NPHP4: variants seen among roughly 807,000 people sequenced by gnomAD.
The protein encoded by NPHP4 is nephrocystin 4, also known as nephrocystin-4.
A neutral mutation model predicts 155.8 loss-of-function variants in NPHP4; 151 were observed. The observed-to-expected ratio is 0.97, with a 90% CI of 0.85 to 1.11. NPHP4 has a LOEUF of 1.11. NPHP4 is among the 50% of genes least tolerant of loss of function. NPHP4 has a pLI of 0.00. For missense variants in NPHP4, 1,956 were observed against 1,925.7 expected (o/e 1.02, Z -0.29); for synonymous variants, 845 against 816.8 (o/e 1.03, Z -0.59).
intron 11 of NPHP4, among the ~76,000 whole-genome samples, chr1:5,912,549 A>AAAAAAAAG (rs1645242539): frequency 9.9e-6 from 1 of 101,124 alleles, no homozygotes; most frequent in African/African-American, 5.2e-5. Context: ...AAAAAAAAAA[A>AAAAAAAAG]AAAAAAGAAA....
intron 5 of NPHP4, among the ~76,000 whole-genome samples, chr1:5,966,768 C>T (rs1475348455): frequency 2.0e-5 from 3 of 152,178 alleles, no homozygotes; most frequent in East Asian, 1.9e-4. Flanking sequence ...TCCCACCACA[C>T]GCCCTTCCTG....
intron 2 of NPHP4, among the ~76,000 whole-genome samples, chr1:5,981,526 A>G (rs1343033737): frequency 5.9e-5 from 9 of 152,234 alleles, no homozygotes; most frequent in African/African-American, 1.7e-4. Context: ...AATCATTAAT[A>G]AAGTGCCCTG....
intron 1 of NPHP4, among the ~76,000 whole-genome samples, chr1:5,991,852 T>C (rs1173082498): frequency 6.8e-6 from 1 of 146,868 alleles, no homozygotes; most frequent in East Asian, 2.1e-4. Context: ...GCGCGCGGAC[T>C]AGGGCGCGGG....
Position 5,880,110 on chromosome 1 carries a change from T to C in NPHP4, c.2611+4A>G. The C allele has an allele frequency of 6.2e-7, 1 of 1,613,462 alleles. No homozygotes were observed. The highest frequency in any genetic ancestry group is 8.5e-7 in the Non-Finnish European group (1 of 1,179,730). On this transcript the variant is annotated splice_donor_region_variant and intron_variant, in intron 19 of 29. Coordinates refer to ENST00000378156, the MANE Select transcript of NPHP4 (RefSeq NM_015102.5). ...CACACATGGGCCCAACAGTGTAAAC[T>C]CACGCCTTGAGCTTCCAGTCGTGAG...
intron 7 of NPHP4, among the ~76,000 whole-genome samples, chr1:5,952,290 G>C (rs1340061673): frequency 6.6e-6 from 1 of 152,192 alleles, no homozygotes; most frequent in Admixed American, 6.5e-5. Context: ...GGGTTCTATG[G>C]GTTTCCCTAT....
intron 23 of NPHP4, 81 bp downstream of exon 23, chr1:5,873,171 G>C (rs1424122676): frequency 4.8e-6 from 6 of 1,251,236 alleles, no homozygotes; most frequent in African/African-American, 1.5e-5. Context: ...CCCTCCAGGA[G>C]GGGAGAGAAG....
chr1:5,866,317 C>T (rs1641215995), intron 26 of NPHP4, 56 bp downstream of exon 26: 2 of 1,172,316 alleles, frequency 1.7e-6, no homozygotes, highest in Non-Finnish European at 2.5e-6. Context: ...AGCCCCAGGC[C>T]TGCCTCCTCC....
chr1:5,943,520 G>C (rs1393293547), intron 9 of NPHP4, among the ~76,000 whole-genome samples: 1 of 152,136 alleles, frequency 6.6e-6, no homozygotes, highest in African/African-American at 2.4e-5. Flanking sequence ...CCAAAAGCCT[G>C]GTGCATTTTG....
chr1:5,963,356 C>T (rs935504183), intron 5 of NPHP4, among the ~76,000 whole-genome samples: 4 of 151,862 alleles, frequency 2.6e-5, no homozygotes, highest in Non-Finnish European at 5.9e-5. Context: ...GATTGCACCA[C>T]TGCAATCCAG....
In NPHP4 at chr1:5,905,170, C is replaced by T; in HGVS notation, c.1955+122G>A. Reference sequence around the variant, plus strand: ...GCCAAGAGAAGATAAAAACAGATGGCACTCCCGAATCTACTAAGACCTCAG... The same window carrying T: ...GCCAAGAGAAGATAAAAACAGATGGTACTCCCGAATCTACTAAGACCTCAG... On this transcript the variant is annotated intron_variant, in intron 15 of 29. Coordinates refer to ENST00000378156, the MANE Select transcript of NPHP4 (RefSeq NM_015102.5). This position sits in a 1 kb window ranked among gnomAD's most constrained non-coding sequence, Gnocchi z 4.0. 1.3e-6 allele frequency: 1 copy of T among 789,230 alleles called. No individual in the cohort carries two copies. Among genetic ancestry groups the T allele is most frequent in the South Asian group, 1.6e-5 (1 of 62,206 alleles). The allele number at this position is 789,230 out of a possible 1,614,324, so 48.9% of individuals were successfully genotyped here. A position where few individuals can be genotyped will look rare whatever the true frequency, so the allele number is the denominator to read the frequency against.
At chr1:5,904,523 C>T in intron 16 of NPHP4, 94 bp downstream of exon 16, 1 of 998,318 alleles carries the variant, frequency 1.0e-6, no homozygotes, top group African/African-American at 1.6e-5. Context: ...ATGTTTTAAA[C>T]TTTTCATAGT....
intron 2 of NPHP4, among the ~76,000 whole-genome samples, chr1:5,981,950 T>C (rs1654775643): frequency 6.6e-6 from 1 of 152,240 alleles, no homozygotes; most frequent in African/African-American, 2.4e-5. Context: ...AAAAATGAGC[T>C]GGGAAGTGTT....
chr1:5,988,360 A>G (rs955574960), intron 1 of NPHP4, among the ~76,000 whole-genome samples: 2 of 152,264 alleles, frequency 1.3e-5, no homozygotes, highest in Non-Finnish European at 2.9e-5. Context: ...GTACAGAAGC[A>G]AACAGGAGCC....
At chr1:5,915,589 C>T (rs1010218659) in intron 11 of NPHP4, among the ~76,000 whole-genome samples, 2 of 152,088 alleles carry the variant, frequency 1.3e-5, no homozygotes, top group Non-Finnish European at 2.9e-5. Context: ...CTGCAGGAGT[C>T]CAGATCCCAG....
intron 3 of NPHP4, among the ~76,000 whole-genome samples, chr1:5,974,266 G>A (rs1164835360): frequency 6.6e-6 from 1 of 152,218 alleles, no homozygotes; most frequent in South Asian, 2.1e-4. Context: ...CTGCTTTGGC[G>A]ACACTGGGGC....
Position 5,969,126 on chromosome 1 carries a change from T to A in NPHP4, c.413A>T (p.Asn138Ile). 1 of 1,551,382 alleles carries A rather than the reference T, an allele frequency of 6.4e-7. No homozygotes were observed. The highest frequency in any genetic ancestry group is 1.7e-4 in the Middle Eastern group (1 of 5,984). ...CGFGILRIFSNQPDSPISASQ... is the reference protein window; with the variant it reads ...CGFGILRIFSIQPDSPISASQ... ...AGCAGAGATAGGAGAGTCCGGCTGG[T>A]TGCTGAAGATCCGAAGAATTCCAAA... is the stretch of plus-strand genomic sequence containing the variant. The change falls in exon 4 of 30, where the codon AAC (asparagine) becomes ATC (isoleucine). Residue 138 changes from asparagine (N) to isoleucine (I), a missense_variant. Coordinates refer to ENST00000378156, the MANE Select transcript of NPHP4 (RefSeq NM_015102.5).
At chr1:5,912,060 C>T (rs1040305192) in intron 11 of NPHP4, among the ~76,000 whole-genome samples, 6 of 152,186 alleles carry the variant, frequency 3.9e-5, no homozygotes, top group Admixed American at 1.3e-4. Flanking sequence ...AGCAGACAGA[C>T]GAGCACAAGG....
At position 5,978,526 on chromosome 1, in the gene NPHP4, G is replaced by A. The variant is rs1654109282; in HGVS notation, c.136-113C>T. ...CACCTCGCTCAGATATCAGCACGCTGGTTTCCTTATTGGGAGGCTACCTCT... is the reference window on the plus strand; with the variant it reads ...CACCTCGCTCAGATATCAGCACGCTAGTTTCCTTATTGGGAGGCTACCTCT... On this transcript the variant is annotated intron_variant, in intron 2 of 29. Transcript: ENST00000378156. 13 of 948,192 alleles carry A rather than the reference G, an allele frequency of 1.4e-5. No individual in the cohort carries two copies. In the South Asian group the frequency reaches 1.9e-4, roughly 14 times the overall value. 58.7% of individuals were successfully genotyped at this position (948,192 alleles called of 1,614,324 possible). A position where few individuals can be genotyped will look rare whatever the true frequency, so the allele number is the denominator to read the frequency against.
At chr1:5,933,021 C>G in intron 10 of NPHP4, 126 bp downstream of exon 10, 1 of 702,442 alleles carries the variant, frequency 1.4e-6, no homozygotes, top group East Asian at 2.7e-5. Flanking sequence ...TAAAGGCATA[C>G]CCATGACATG....
Sources: gnomAD v4.1 joint callset for allele counts (sites outside exome capture counted in the v4.1 genomes callset) on GRCh38, gnomAD v4.1.1 for gene constraint, Gnocchi (gnomAD v3.1) non-coding constraint, MANE v1.5 for transcripts, NCBI Gene and HGNC (gene_info 2026-07-23, HGNC 2026-07-21) for gene names.